NKAIN2: variants seen among roughly 807,000 people sequenced by gnomAD.
The protein encoded by NKAIN2 is sodium/potassium-transporting ATPase subunit beta-1-interacting protein 2.
NKAIN2 carries 14 observed loss-of-function variants against 32.6 expected under a neutral mutation model. The observed-to-expected ratio is 0.43, with a 90% CI of 0.28 to 0.67. NKAIN2 has a LOEUF of 0.67. Ranked by LOEUF, NKAIN2 falls within the 30% of genes least tolerant of loss-of-function variation. NKAIN2 has a pLI of 0.17. For missense variants in NKAIN2, 198 were observed against 258.3 expected (o/e 0.77, Z 1.60); for synonymous variants, 80 against 87.2 (o/e 0.92, Z 0.46).
At chr6:124,794,889 T>G (rs1021655846) in intron 5 of NKAIN2, 3 of 943,622 alleles carry the variant, frequency 3.2e-6, no homozygotes, top group Non-Finnish European at 3.8e-6. Flanking sequence ...TAAAAAAGGT[T>G]TGACATTTCT....
chr6:123,905,212 A>T (rs1774805193), intron 1 of NKAIN2, among the ~76,000 whole-genome samples: 1 of 151,970 alleles, frequency 6.6e-6, no homozygotes, highest in South Asian at 2.1e-4. Context: ...TAGATCAGAG[A>T]CAAAGACTTC....
At chr6:124,465,047 G>A (rs2114657196) in intron 3 of NKAIN2, among the ~76,000 whole-genome samples, 1 of 152,082 alleles carries the variant, frequency 6.6e-6, no homozygotes, top group African/African-American at 2.4e-5. Context: ...ATTTTCTTGA[G>A]CAGTGGTTTG....
At chr6:124,655,065 A>G (rs1390764776) in intron 3 of NKAIN2, among the ~76,000 whole-genome samples, 1 of 152,134 alleles carries the variant, frequency 6.6e-6, no homozygotes, top group Non-Finnish European at 1.5e-5. Context: ...AGTATTCTTG[A>G]AATTATGGAA....
chr6:124,694,129 T>C (rs1184903340), intron 4 of NKAIN2, among the ~76,000 whole-genome samples: 1 of 152,192 alleles, frequency 6.6e-6, no homozygotes, highest in Non-Finnish European at 1.5e-5. Context: ...ATATTTAACA[T>C]AGAGTATGTA....
At chr6:124,252,287 A>C (rs1793723537) in intron 1 of NKAIN2, among the ~76,000 whole-genome samples, 1 of 152,062 alleles carries the variant, frequency 6.6e-6, no homozygotes, top group Non-Finnish European at 1.5e-5. Flanking sequence ...TCAAAAGCAT[A>C]CTTTTGAGCA....
intron 1 of NKAIN2, among the ~76,000 whole-genome samples, chr6:124,189,763 A>ATGGC (rs1217961226): frequency 5.7e-4 from 87 of 152,374 alleles, no homozygotes; most frequent in African/African-American, 1.8e-3. Flanking sequence ...CAATGCCAGA[A>ATGGC]ACTAGCACAT....
At chr6:124,775,001 G>C (rs909966568) in intron 4 of NKAIN2, among the ~76,000 whole-genome samples, 1 of 152,080 alleles carries the variant, frequency 6.6e-6, no homozygotes, top group African/African-American at 2.4e-5. Flanking sequence ...ATTCTAGAGA[G>C]AAGAGAAGAG....
rs1923727 is a variant in NKAIN2 at position 124,818,328 on chromosome 6, G to T, written c.536-59G>T. 1.2e-4 allele frequency: 98 copies of T among 833,648 alleles called. 3 individuals carry two copies. In the South Asian group the frequency reaches 1.4e-3, roughly 12 times the overall value. The allele number at this position is 833,648 out of a possible 1,614,324, so 51.6% of individuals were successfully genotyped here. ...AGGTTTATTAGTAATCTGTGTGGGT[G>T]CTTGATCATGGATGTATATCTCTTC... On this transcript the variant is annotated intron_variant, in intron 5 of 6. Coordinates refer to ENST00000368417, the MANE Select transcript of NKAIN2 (RefSeq NM_001040214.3).
intron 1 of NKAIN2, among the ~76,000 whole-genome samples, chr6:123,855,104 T>C (rs1775505693): frequency 6.6e-6 from 1 of 152,214 alleles, no homozygotes; most frequent in South Asian, 2.1e-4. Flanking sequence ...ATAAATGTAT[T>C]CCTTTACATA....
intron 3 of NKAIN2, among the ~76,000 whole-genome samples, chr6:124,632,381 A>G (rs1211277600): frequency 2.0e-5 from 3 of 152,166 alleles, no homozygotes; most frequent in African/African-American, 4.8e-5. Flanking sequence ...TATCAGCACC[A>G]TTACTGTTAG....
chr6:124,147,240 G>A (rs1023283761), intron 1 of NKAIN2, among the ~76,000 whole-genome samples: 22 of 152,140 alleles, frequency 1.4e-4, no homozygotes, highest in African/African-American at 5.3e-4. Context: ...AGGATACACT[G>A]GAAAGCGTGA....
chr6:124,329,475 C>T (rs147675847), intron 2 of NKAIN2, among the ~76,000 whole-genome samples: 366 of 152,250 alleles, frequency 2.4e-3, no homozygotes, highest in Non-Finnish European at 4.4e-3. Context: ...GCACTTTTCT[C>T]AGCAATGTAG....
chr6:124,173,008 A>G (rs1298370991), intron 1 of NKAIN2, among the ~76,000 whole-genome samples: 1 of 152,120 alleles, frequency 6.6e-6, no homozygotes, highest in Non-Finnish European at 1.5e-5. Flanking sequence ...TTTAGTGACA[A>G]TTGCATTAAT....
intron 1 of NKAIN2, among the ~76,000 whole-genome samples, chr6:123,813,868 T>C (rs76324997): frequency 6.6e-6 from 1 of 151,320 alleles, no homozygotes; most frequent in African/African-American, 2.4e-5. Flanking sequence ...TTTTTTTTTT[T>C]CGTCTTTTTT....
chr6:123,839,996 T>G (rs73563589), intron 1 of NKAIN2, among the ~76,000 whole-genome samples: 16,352 of 152,164 alleles, frequency 0.11, 1,238 homozygotes, highest in African/African-American at 0.21. Context: ...AATTGATTTC[T>G]AACAGTTTTT....
At chr6:124,271,247 T>G (rs1317459449) in intron 1 of NKAIN2, among the ~76,000 whole-genome samples, 2 of 152,176 alleles carry the variant, frequency 1.3e-5, no homozygotes, top group African/African-American at 4.8e-5. Context: ...AGACAGAGTC[T>G]TGCTTGTCAC....
At chr6:124,482,364 A>G (rs1291630864) in intron 3 of NKAIN2, among the ~76,000 whole-genome samples, 1 of 151,562 alleles carries the variant, frequency 6.6e-6, no homozygotes, top group African/African-American at 2.4e-5. Context: ...ATTCCTTTAT[A>G]ATTCAATAAA....
At chr6:124,350,797 T>C (rs1358858299) in intron 2 of NKAIN2, among the ~76,000 whole-genome samples, 1 of 152,232 alleles carries the variant, frequency 6.6e-6, no homozygotes, top group Non-Finnish European at 1.5e-5. Flanking sequence ...AATTATATTC[T>C]ACTCCAAAGT....
At chr6:123,811,167 C>G (rs1307340323) in intron 1 of NKAIN2, among the ~76,000 whole-genome samples, 1 of 152,110 alleles carries the variant, frequency 6.6e-6, no homozygotes, top group African/African-American at 2.4e-5. Context: ...CTATGGCCTT[C>G]TACTGATATG....
Sources: gnomAD v4.1 joint callset for allele counts (sites outside exome capture counted in the v4.1 genomes callset) on GRCh38, gnomAD v4.1.1 for gene constraint, MANE v1.5 for transcripts, NCBI Gene and HGNC (gene_info 2026-07-23, HGNC 2026-07-21) for gene names.